The following DNAJA3 variants were observed in gnomAD, a reference collection of about 807,000 sequenced individuals.
DNAJA3 encodes dnaJ homolog subfamily A member 3, mitochondrial.
In DNAJA3, 29 loss-of-function variants were observed where a neutral mutation model predicts 54.9. The ratio of observed to expected loss-of-function variants is 0.53; its 90% CI spans 0.39 to 0.72. The LOEUF (loss-of-function observed/expected upper bound fraction) is 0.72. Ranked by LOEUF, DNAJA3 falls within the 30% of genes least tolerant of loss-of-function variation. DNAJA3 has a pLI of 0.00. For synonymous variants in DNAJA3, 302 were observed against 251.4 expected, an observed-to-expected ratio of 1.20 and a Z score of -1.90; for missense variants, 708 against 639.4, an observed-to-expected ratio of 1.11 and a Z score of -1.16.
Position 4,433,647 on chromosome 16 carries a change from G to A in DNAJA3, c.212-737G>A, listed in dbSNP as rs573714488. ...TAGAGGGAAAAGAATGTGGGGAGTT[G>A]TTAAGCATTAAATGTGACAGAAAAA... On this transcript the variant is annotated intron_variant, in intron 1 of 11. Coordinates refer to ENST00000262375, the MANE Select transcript of DNAJA3 (RefSeq NM_005147.6). Among the ~76,000 whole-genome samples, 160 of 152,300 alleles carry A rather than the reference G, an allele frequency of 1.1e-3. 2 individuals are homozygous for A. The highest frequency in any genetic ancestry group is 3.8e-3 in the African/African-American group (156 of 41,570).
chr16:4,442,641 C>T (rs8057952), intron 5 of DNAJA3: 9 of 539,352 alleles, frequency 1.7e-5, no homozygotes, highest in South Asian at 6.3e-5. Flanking sequence ...GGGGGCGGGG[C>T]GGGGGATTGC....
intron 11 of DNAJA3, 198 bp from the exon 12 acceptor site, chr16:4,455,348 T>G: frequency 1.6e-6 from 1 of 635,640 alleles, no homozygotes; most frequent in Non-Finnish European, 2.8e-6. Flanking sequence ...TGTGCAAGCC[T>G]GGGGGCTGCT....
At chr16:4,450,623 T>C in intron 10 of DNAJA3, 126 bp downstream of exon 10, 1 of 712,024 alleles carries the variant, frequency 1.4e-6, no homozygotes, top group Non-Finnish European at 2.2e-6. Flanking sequence ...AAATGTGCAG[T>C]TGAAAGAGGG....
rs1321767111 is a variant in DNAJA3 at position 4,425,953 on chromosome 16, T to C, written c.72T>C (p.Gly24=). The C allele has an allele frequency of 1.3e-6, 2 of 1,569,952 alleles. No homozygotes were observed. Among genetic ancestry groups the C allele is most frequent in the South Asian group, 1.2e-5 (1 of 86,096 alleles). The change falls in exon 1 of 12, where the codon GGT becomes GGC. Residue 24 remains glycine (G), a synonymous_variant. Coordinates refer to ENST00000262375, the MANE Select transcript of DNAJA3 (RefSeq NM_005147.6). The part of the protein sequence containing the change: ...VGTPRLPAIS[G]RGARPPREGV... ...CCCCGCGGCTGCCGGCTATATCGGG[T>C]AGAGGGGCCCGGCCGCCCAGGGAGG...
Position 4,443,055 on chromosome 16 carries a change from G to C in DNAJA3, c.822G>C (p.Thr274=), listed in dbSNP as rs746113110. 6.2e-7 allele frequency: 1 copy of C among 1,614,112 alleles called. No homozygotes were observed. Among genetic ancestry groups the C allele is most frequent in the East Asian group, 2.2e-5 (1 of 44,882 alleles). Residue 274 remains threonine (T), a synonymous_variant, in exon 6 of 12, where the codon ACG becomes ACC. Coordinates refer to ENST00000262375, the MANE Select transcript of DNAJA3 (RefSeq NM_005147.6). The part of the protein sequence containing the change: ...INTGPFVMRS[T]CRRCGGRGSI... ...CAGGCCCTTTTGTGATGCGTTCCAC[G>C]TGTAGGAGATGTGGTGGCCGCGGCT...
rs542253121 is a variant in DNAJA3, at chr16:4,441,515, T to G, written c.570T>G (p.Phe190Leu). 6.2e-7 allele frequency: 1 copy of G among 1,614,228 alleles called. No homozygotes were observed. The highest frequency in any genetic ancestry group is 8.5e-7 in the Non-Finnish European group (1 of 1,180,046). ...CCGAGGAGCTGTTCAGGAAGATCTTTGGCGAGTTCTCATCCTCTTCATTTG... is the reference window on the plus strand; with the variant it reads ...CCGAGGAGCTGTTCAGGAAGATCTTGGGCGAGTTCTCATCCTCTTCATTTG... ...VDPEELFRKI[F>L]GEFSSSSFGD... Residue 190 changes from phenylalanine to leucine, a missense_variant, in exon 4 of 12, where the codon TTT (phenylalanine) becomes TTG (leucine). By Grantham distance (22) the Phe-to-Leu change is conservative. Coordinates refer to ENST00000262375, the MANE Select transcript of DNAJA3 (RefSeq NM_005147.6).
rs991566493 is a variant in DNAJA3 at position 4,456,021 on chromosome 16, G to A, written c.*489G>A. 4.5e-5 allele frequency: 8 copies of A among 177,176 alleles called. No individual in the cohort carries two copies. Among genetic ancestry groups the A allele is most frequent in the Admixed American group, 1.7e-4 (3 of 17,748 alleles). 11.0% of individuals were successfully genotyped at this position (177,176 alleles called of 1,614,324 possible). On this transcript the variant is annotated 3_prime_UTR_variant, in exon 12 of 12. Coordinates refer to ENST00000262375, the MANE Select transcript of DNAJA3 (RefSeq NM_005147.6). ...CTTCACTGGGAGCGTGGGGCCCCCAGGCCCCACCAGCACCGTCCTCCCCTA... is the reference window on the plus strand; with the variant it reads ...CTTCACTGGGAGCGTGGGGCCCCCAAGCCCCACCAGCACCGTCCTCCCCTA...
chr16:4,454,642 T>G (rs1438847439), intron 10 of DNAJA3, among the ~76,000 whole-genome samples, 169 bp from the exon 11 acceptor site: 1 of 152,252 alleles, frequency 6.6e-6, no homozygotes, highest in Non-Finnish European at 1.5e-5. Flanking sequence ...GTCTGCAAGG[T>G]GAGGCATCCT....
chr16:4,448,705 G>T, intron 8 of DNAJA3, 28 bp from the exon 9 acceptor site: 1 of 1,565,726 alleles, frequency 6.4e-7, no homozygotes. Context: ...GGGGACCAGG[G>T]GAAACCACAG....
intron 10 of DNAJA3, among the ~76,000 whole-genome samples, chr16:4,454,007 G>A (rs1037389211): frequency 1.3e-5 from 2 of 152,224 alleles, no homozygotes; most frequent in African/African-American, 4.8e-5. Flanking sequence ...TAACACGTTT[G>A]TGTGAGAAAG....
chr16:4,433,949 C>G (rs1191855816), intron 1 of DNAJA3: 7 of 208,878 alleles, frequency 3.4e-5, no homozygotes, highest in African/African-American at 1.7e-4. Flanking sequence ...TCTCATGCAG[C>G]TAATAAAGAC....
chr16:4,455,312 G>A (rs1325692930), intron 11 of DNAJA3, among the ~76,000 whole-genome samples: 1 of 152,164 alleles, frequency 6.6e-6, no homozygotes, highest in Non-Finnish European at 1.5e-5. Flanking sequence ...CTTGGAAGCT[G>A]CCCTCCTGCG....
intron 1 of DNAJA3, chr16:4,431,977 G>T (rs1330286654): frequency 6.6e-6 from 1 of 151,906 alleles, no homozygotes; most frequent in East Asian, 1.9e-4. Context: ...CCTTAGCATA[G>T]CTCTAAGGCC....
chr16:4,437,500 G>A lies in DNAJA3; in HGVS notation c.429+15G>A. The A allele has an allele frequency of 6.2e-7, 1 of 1,607,476 alleles. No individual in the cohort carries two copies. The highest frequency in any genetic ancestry group is 8.5e-7 in the Non-Finnish European group (1 of 1,174,202). ...AAGCCTATGAGGTAATATGACTTCG[G>A]TGCATGCGGTCACTGCTGTTCAGCT... On this transcript the variant is annotated intron_variant, in intron 3 of 11. Coordinates refer to ENST00000262375, the MANE Select transcript of DNAJA3 (RefSeq NM_005147.6).
chr16:4,451,354 T>A (rs2056975425), intron 10 of DNAJA3, among the ~76,000 whole-genome samples: 1 of 152,040 alleles, frequency 6.6e-6, no homozygotes, highest in Non-Finnish European at 1.5e-5. Context: ...GATTTTCCAA[T>A]AAAGTGGAGG....
At chr16:4,453,709 G>A (rs1173447572) in intron 10 of DNAJA3, among the ~76,000 whole-genome samples, 2 of 152,228 alleles carry the variant, frequency 1.3e-5, no homozygotes, top group African/African-American at 4.8e-5. Context: ...GGGGATTACA[G>A]GCGTGAGCCA....
At chr16:4,449,778 G>A (rs891834526) in intron 9 of DNAJA3, 1 of 152,222 alleles carries the variant, frequency 6.6e-6, no homozygotes, top group Admixed American at 6.6e-5. Flanking sequence ...ACTCCCCTCG[G>A]GAGCACTCAT....
intron 7 of DNAJA3, among the ~76,000 whole-genome samples, chr16:4,446,554 TA>T (rs879324832): frequency 0.01 from 1,535 of 146,768 alleles, 24 homozygotes; most frequent in African/African-American, 0.033. Flanking sequence ...AAAGTAAGAT[TA>T]AAAAAAAAAA....
chr16:4,432,149 A>G (rs1301218469), intron 1 of DNAJA3, among the ~76,000 whole-genome samples: 1 of 148,764 alleles, frequency 6.7e-6, no homozygotes, highest in Non-Finnish European at 1.5e-5. Flanking sequence ...TTTATTTACA[A>G]ACATCTAGTA....
Sources: allele counts gnomAD v4.1 joint callset (sites outside exome capture counted in the v4.1 genomes callset), GRCh38; gene constraint gnomAD v4.1.1; transcripts MANE v1.5; gene names NCBI Gene and HGNC (gene_info 2026-07-23, HGNC 2026-07-21).